Variants in CCSER1 observed in about 807,000 individuals in gnomAD.
CCSER1 encodes serine-rich coiled-coil domain-containing protein 1.
Under a neutral mutation model 82.0 loss-of-function variants are expected in CCSER1, and 41 were observed. The observed-to-expected ratio is 0.50, with a 90% CI of 0.39 to 0.65. The LOEUF is 0.65. Among genes scored for constraint, CCSER1 ranks in the 30% least tolerant of loss-of-function variants. CCSER1 has a pLI of 0.00. For missense variants in CCSER1, 1,119 were observed against 1,064.2 expected, an observed-to-expected ratio of 1.05 and a Z score of -0.72; for synonymous variants, 414 against 383.9, an observed-to-expected ratio of 1.08 and a Z score of -0.92.
chr4:90,920,913 CAA>C lies in CCSER1; in HGVS notation c.2095-2456_2095-2455del, dbSNP rs139056159. 1.0e-3 allele frequency among the ~76,000 whole-genome samples: 153 copies of C among 151,682 alleles called. 1 individual carries two copies. The highest frequency in any genetic ancestry group is 3.6e-3 in the African/African-American group (150 of 41,442). ...GAAATAAACTGATAATAATTTTAGT[CAA>C]GACTTTAATCATTATATCAAATCAA... On this transcript the variant is annotated intron_variant, in intron 8 of 10. Coordinates refer to ENST00000509176, the MANE Select transcript of CCSER1 (RefSeq NM_001145065.2).
intron 10 of CCSER1, among the ~76,000 whole-genome samples, chr4:91,200,839 A>G (rs1293511767): frequency 6.6e-6 from 1 of 152,030 alleles, no homozygotes; most frequent in Non-Finnish European, 1.5e-5. Flanking sequence ...ACTCATATCT[A>G]TAATGTATTT....
intron 5 of CCSER1, among the ~76,000 whole-genome samples, chr4:90,537,362 T>C (rs2153633988): frequency 6.6e-6 from 1 of 152,250 alleles, no homozygotes; most frequent in East Asian, 1.9e-4. Context: ...CTTTCTTCAA[T>C]GAGGCTTTGT....
At chr4:90,298,657 T>C (rs1467888370) in intron 1 of CCSER1, among the ~76,000 whole-genome samples, 1 of 152,072 alleles carries the variant, frequency 6.6e-6, no homozygotes, top group Middle Eastern at 3.2e-3. Flanking sequence ...CTCTACACAC[T>C]GCTTTGAATG....
rs371193694 is a variant in CCSER1, at chr4:91,304,861, C to A, written c.2217+218867C>A. On this transcript the variant is annotated intron_variant, in intron 10 of 10. Coordinates refer to ENST00000509176, the MANE Select transcript of CCSER1 (RefSeq NM_001145065.2). ...AAAGAATGTTACTTAAATTAAATAT[C>A]TTCTAGAACTAATACTAAAGTAGAA... Among the ~76,000 whole-genome samples the A allele has an allele frequency of 2.5e-4, 38 of 152,112 alleles. No homozygotes were observed. The East Asian group carries it at 2.5e-3, about 10-fold the overall frequency.
In CCSER1 at chr4:90,308,652, G is replaced by A. The variant is rs745548077; in HGVS notation, c.368G>A (p.Arg123Gln). 1.6e-5 allele frequency: 26 copies of A among 1,613,526 alleles called. No homozygotes were observed. The highest frequency in any genetic ancestry group is 8.4e-5 in the Admixed American group (5 of 59,864). The part of the protein sequence containing the change: ...GRHSVGFSSS[R>Q]NKKITRSLTE... ...CATTCTGTTGGTTTTAGTAGTTCAC[G>A]AAATAAGAAGATAACAAGATCTTTG... The change falls in exon 2 of 11, where the codon CGA (arginine) becomes CAA (glutamine). Residue 123 changes from arginine (R) to glutamine (Q), a missense_variant. Transcript: ENST00000509176.
At chr4:90,531,919 G>T (rs1411171540) in intron 5 of CCSER1, among the ~76,000 whole-genome samples, 1 of 151,988 alleles carries the variant, frequency 6.6e-6, no homozygotes, top group Non-Finnish European at 1.5e-5. Flanking sequence ...CAAATGATTT[G>T]CATTACACTA....
intron 5 of CCSER1, among the ~76,000 whole-genome samples, chr4:90,596,270 T>A (rs17017250): frequency 0.069 from 10,486 of 151,952 alleles, 760 homozygotes; most frequent in African/African-American, 0.19. Context: ...AAATTATTTA[T>A]GATCATTTAT....
intron 10 of CCSER1, among the ~76,000 whole-genome samples, chr4:91,263,216 G>A (rs1357124513): frequency 1.3e-5 from 2 of 151,880 alleles, no homozygotes; most frequent in African/African-American, 2.4e-5. Flanking sequence ...CAATAAACTC[G>A]ACTAACCATC....
At chr4:91,276,887 C>T (rs1433450182) in intron 10 of CCSER1, among the ~76,000 whole-genome samples, 2 of 151,912 alleles carry the variant, frequency 1.3e-5, no homozygotes, top group Non-Finnish European at 2.9e-5. Flanking sequence ...TTTCCAAATG[C>T]TTTTTTACAA....
intron 10 of CCSER1, among the ~76,000 whole-genome samples, chr4:91,375,498 T>C (rs1445419927): frequency 6.6e-6 from 1 of 151,758 alleles, no homozygotes; most frequent in African/African-American, 2.4e-5. Flanking sequence ...TGTCAACTGA[T>C]GTGGGATACT....
intron 10 of CCSER1, among the ~76,000 whole-genome samples, chr4:91,306,095 G>GTGTA (rs1553922551): frequency 2.0e-5 from 3 of 150,380 alleles, no homozygotes; most frequent in Non-Finnish European, 4.4e-5. Flanking sequence ...GTGTGTGTGT[G>GTGTA]TATACGAAAA....
At chr4:90,780,328 T>A (rs1249993468) in intron 7 of CCSER1, 2 of 1,110,788 alleles carry the variant, frequency 1.8e-6, no homozygotes, top group East Asian at 2.6e-5. Context: ...ACGCTTCCCA[T>A]CTAAATTATC....
intron 5 of CCSER1, among the ~76,000 whole-genome samples, chr4:90,552,264 A>T (rs555732550): frequency 6.6e-6 from 1 of 152,298 alleles, no homozygotes; most frequent in South Asian, 2.1e-4. Context: ...ATGTTAGTTG[A>T]TGATTGTTGA....
chr4:90,474,885 A>C (rs1764847888), intron 5 of CCSER1, among the ~76,000 whole-genome samples: 1 of 152,168 alleles, frequency 6.6e-6, no homozygotes, highest in Admixed American at 6.5e-5. Context: ...ATAAGGATGA[A>C]AATGAGAAAT....
At chr4:90,335,620 A>G (rs1740238571) in intron 3 of CCSER1, among the ~76,000 whole-genome samples, 1 of 152,164 alleles carries the variant, frequency 6.6e-6, no homozygotes, top group African/African-American at 2.4e-5. Flanking sequence ...AAATTTGCTC[A>G]TTGTCAGGGA....
intron 10 of CCSER1, among the ~76,000 whole-genome samples, chr4:91,410,415 A>C (rs1367447354): frequency 1.3e-5 from 2 of 152,144 alleles, no homozygotes; most frequent in East Asian, 1.9e-4. Context: ...CTACTATGAA[A>C]ATTTTTAAAG....
intron 6 of CCSER1, among the ~76,000 whole-genome samples, chr4:90,639,930 A>G (rs1298514501): frequency 6.6e-6 from 1 of 152,134 alleles, no homozygotes; most frequent in Non-Finnish European, 1.5e-5. Context: ...GAGAATTTGT[A>G]TTTAAAACCA....
chr4:91,226,289 A>T, intron 10 of CCSER1, among the ~76,000 whole-genome samples: 1 of 151,950 alleles, frequency 6.6e-6, no homozygotes, highest in East Asian at 1.9e-4. Flanking sequence ...GGAAAGGTAG[A>T]TCAGTTAATT....
chr4:90,411,374 A>G (rs1018505221), intron 4 of CCSER1, among the ~76,000 whole-genome samples: 2 of 152,248 alleles, frequency 1.3e-5, no homozygotes, highest in Non-Finnish European at 2.9e-5. Flanking sequence ...AAAAATCCTC[A>G]ATAAAATACT....
Sources: gnomAD v4.1 joint callset for allele counts (sites outside exome capture counted in the v4.1 genomes callset) on GRCh38, gnomAD v4.1.1 for gene constraint, MANE v1.5 for transcripts, NCBI Gene and HGNC (gene_info 2026-07-23, HGNC 2026-07-21) for gene names.